TMEM108: variants seen among roughly 807,000 people sequenced by gnomAD.
The protein encoded by TMEM108 is cancer/testis antigen 124.
A neutral mutation model predicts 35.1 loss-of-function variants in TMEM108; 12 were observed. The observed-to-expected ratio is 0.34, with a 90% CI of 0.22 to 0.55. The LOEUF is 0.55. TMEM108 is among the 20% of genes least tolerant of loss of function. TMEM108 has a pLI of 0.89. For synonymous variants in TMEM108, 287 were observed against 308.6 expected (o/e 0.93, Z 0.73); for missense variants, 680 against 753.3 (o/e 0.90, Z 1.14).
At chr3:133,328,066 T>C (rs1003105185) in intron 3 of TMEM108, among the ~76,000 whole-genome samples, 13 of 152,206 alleles carry the variant, frequency 8.5e-5, no homozygotes, top group Admixed American at 4.6e-4. Context: ...CATCTGTCTC[T>C]GATCTCATGT....
intron 2 of TMEM108, among the ~76,000 whole-genome samples, chr3:133,143,975 T>TATTTTATTTTA (rs200418383): frequency 6.1e-4 from 92 of 150,896 alleles, no homozygotes; most frequent in African/African-American, 2.0e-3. Context: ...TATTTTATTT[T>TATTTTATTTTA]ATTTTATTTT....
At chr3:133,231,943 T>A (rs1460635342) in intron 3 of TMEM108, among the ~76,000 whole-genome samples, 2 of 152,112 alleles carry the variant, frequency 1.3e-5, no homozygotes, top group Non-Finnish European at 2.9e-5. Context: ...TGGCCCAGGG[T>A]GCTCAGTGAG....
intron 2 of TMEM108, among the ~76,000 whole-genome samples, chr3:133,084,231 C>G (rs1347530697): frequency 6.6e-6 from 1 of 152,156 alleles, no homozygotes; most frequent in Non-Finnish European, 1.5e-5. Flanking sequence ...TTTAATCCTA[C>G]TACCAGACTT....
At chr3:133,243,646 G>C (rs1946344201) in intron 3 of TMEM108, among the ~76,000 whole-genome samples, 1 of 151,890 alleles carries the variant, frequency 6.6e-6, no homozygotes, top group Non-Finnish European at 1.5e-5. Flanking sequence ...TCAGCCTCTC[G>C]AGTAGCTGGG....
chr3:133,336,820 C>T (rs143325791), intron 3 of TMEM108, among the ~76,000 whole-genome samples: 21 of 152,074 alleles, frequency 1.4e-4, no homozygotes, highest in East Asian at 3.9e-4. Flanking sequence ...AGCCCACTGC[C>T]CTGAAGGGTG....
At chr3:133,379,717 A>G (rs746200252) in intron 3 of TMEM108, 35 bp from the exon 4 acceptor site, 3 of 1,593,272 alleles carry the variant, frequency 1.9e-6, no homozygotes, top group Non-Finnish European at 2.6e-6. Context: ...CTGCTCCCCA[A>G]GTATTTTACC....
At chr3:133,108,998 A>T (rs748358253) in intron 2 of TMEM108, among the ~76,000 whole-genome samples, 5 of 151,954 alleles carry the variant, frequency 3.3e-5, no homozygotes, top group Non-Finnish European at 4.4e-5. Context: ...ATAATAATAA[A>T]AAAGTTGTTC....
At chr3:133,182,923 AGAG>A (rs1197119603) in intron 2 of TMEM108, among the ~76,000 whole-genome samples, 3 of 152,236 alleles carry the variant, frequency 2.0e-5, no homozygotes, top group Non-Finnish European at 4.4e-5. Context: ...AACTGAAGGT[AGAG>A]GAGATTTTAT....
At chr3:133,062,262 T>C (rs1197479600) in intron 2 of TMEM108, among the ~76,000 whole-genome samples, 5 of 152,248 alleles carry the variant, frequency 3.3e-5, no homozygotes, top group Non-Finnish European at 5.9e-5. Flanking sequence ...GGATAAACAA[T>C]AGCTAGGAAA....
At chr3:133,283,086 G>A (rs1054338168) in intron 3 of TMEM108, among the ~76,000 whole-genome samples, 8 of 152,208 alleles carry the variant, frequency 5.3e-5, no homozygotes, top group African/African-American at 1.9e-4. Context: ...CAAGAGTGGT[G>A]AGAATTTTTG....
intron 3 of TMEM108, among the ~76,000 whole-genome samples, chr3:133,292,802 A>G (rs1258222917): frequency 6.6e-6 from 1 of 152,210 alleles, no homozygotes; most frequent in Non-Finnish European, 1.5e-5. Flanking sequence ...AAAGCTTTGT[A>G]GAGAGCTCTG....
chr3:133,221,660 CTTT>C (rs3078806), intron 2 of TMEM108, among the ~76,000 whole-genome samples: 478 of 60,352 alleles, frequency 7.9e-3, no homozygotes, highest in African/African-American at 0.014. Flanking sequence ...ACATTGATTC[CTTT>C]TTTTTTTTTT....
chr3:133,175,117 G>A (rs1214465738), intron 2 of TMEM108, among the ~76,000 whole-genome samples: 7 of 152,134 alleles, frequency 4.6e-5, no homozygotes, highest in African/African-American at 7.2e-5. Context: ...GAGAAGGGAA[G>A]TTTAGAGAAA....
At chr3:133,151,419 A>G (rs1198490730) in intron 2 of TMEM108, among the ~76,000 whole-genome samples, 3 of 152,092 alleles carry the variant, frequency 2.0e-5, no homozygotes, top group Non-Finnish European at 2.9e-5. Flanking sequence ...TCCGAAGTCC[A>G]CTCCAGAGAT....
rs147653242 is a variant in TMEM108 at position 133,156,492 on chromosome 3, A to T, written c.-46-72774A>T. Among the ~76,000 whole-genome samples the T allele has an allele frequency of 1.4e-3, 217 of 152,342 alleles. 1 individual carries two copies. Among genetic ancestry groups the T allele is most frequent in the African/African-American group, 4.6e-3 (193 of 41,584 alleles). On this transcript the variant is annotated intron_variant, in intron 2 of 5. Transcript: ENST00000321871. ...TTTAACTGGAATATTATAATATGGA[A>T]TTCCAAAAGCTGTTTGACTTACTAT...
chr3:133,048,795 T>C (rs1189180083), intron 2 of TMEM108, among the ~76,000 whole-genome samples: 1 of 152,214 alleles, frequency 6.6e-6, no homozygotes, highest in Non-Finnish European at 1.5e-5. Flanking sequence ...AAGGATTCCA[T>C]GTACCTTGAA....
At chr3:133,155,608 G>A (rs575124850) in intron 2 of TMEM108, among the ~76,000 whole-genome samples, 177 of 152,240 alleles carry the variant, frequency 1.2e-3, no homozygotes, top group African/African-American at 4.2e-3. Context: ...AATGATCAGT[G>A]ATATTGAGCA....
chr3:133,078,181 GTGTGTGTA>G (rs1559825432), intron 2 of TMEM108, among the ~76,000 whole-genome samples: 4 of 134,248 alleles, frequency 3.0e-5, no homozygotes, highest in Admixed American at 1.5e-4. Context: ...GCGCACACGT[GTGTGTGTA>G]TATCTCAGAT....
intron 2 of TMEM108, among the ~76,000 whole-genome samples, chr3:133,224,976 T>G (rs1946047447): frequency 6.6e-6 from 1 of 151,788 alleles, no homozygotes; most frequent in East Asian, 1.9e-4. Flanking sequence ...CTCCTCAGCC[T>G]CTCTAATTTC....
Sources: allele counts gnomAD v4.1 joint callset (sites outside exome capture counted in the v4.1 genomes callset), GRCh38; gene constraint gnomAD v4.1.1; transcripts MANE v1.5; gene names NCBI Gene and HGNC (gene_info 2026-07-23, HGNC 2026-07-21).